NCOA5: variants seen among roughly 807,000 people sequenced by gnomAD.
NCOA5 encodes the protein NCoA-5.
NCOA5 carries 12 observed loss-of-function variants against 59.0 expected under a neutral mutation model. That is an observed-to-expected ratio of 0.20 (90% CI 0.13 to 0.33). NCOA5 has a LOEUF of 0.33. Ranked by LOEUF, NCOA5 falls within the 10% of genes least tolerant of loss-of-function variation. The pLI, the probability that NCOA5 is intolerant of heterozygous loss-of-function variation, is 1.00. For missense variants in NCOA5, 655 were observed against 766.6 expected, an observed-to-expected ratio of 0.85 and a Z score of 1.72; for synonymous variants, 270 against 275.5, an observed-to-expected ratio of 0.98 and a Z score of 0.20.
At chr20:46,070,910 G>C (rs1389666715) in intron 2 of NCOA5, among the ~76,000 whole-genome samples, 1 of 152,086 alleles carries the variant, frequency 6.6e-6, no homozygotes, top group African/African-American at 2.4e-5. Flanking sequence ...AAAAAAGAGC[G>C]AATGGCACAA....
chr20:46,085,988 T>C (rs1267089793), intron 1 of NCOA5, among the ~76,000 whole-genome samples: 1 of 152,174 alleles, frequency 6.6e-6, no homozygotes, highest in Non-Finnish European at 1.5e-5. Context: ...GTCATGATTT[T>C]ACTTTCAATA....
intron 2 of NCOA5, among the ~76,000 whole-genome samples, chr20:46,079,055 C>A (rs1197548432): frequency 1.3e-5 from 2 of 152,142 alleles, no homozygotes; most frequent in African/African-American, 4.8e-5. Flanking sequence ...ATGGCATACA[C>A]CAATGACTCT....
chr20:46,062,789 A>G lies in NCOA5; in HGVS notation c.1251T>C (p.Ala417=), dbSNP rs2084781094. 15 of 1,584,082 alleles carry G rather than the reference A, an allele frequency of 9.5e-6. No individual in the cohort carries two copies. Among genetic ancestry groups the G allele is most frequent in the Non-Finnish European group, 1.2e-5 (14 of 1,163,744 alleles). The part of the protein sequence containing the change: ...PLQSGQVLPS[A]TPTPSAPPTS... ...TGGGGGGTGCAGATGGAGTGGGTGTAGCAGAGGGGAGCACTTGGCCGCTCT... is the reference window on the plus strand; with the variant it reads ...TGGGGGGTGCAGATGGAGTGGGTGTGGCAGAGGGGAGCACTTGGCCGCTCT... The change falls in exon 8 of 8, where the codon GCT becomes GCC. Residue 417 remains alanine, a synonymous_variant. Transcript: ENST00000290231.
In NCOA5 at chr20:46,067,157, C is replaced by T. The variant is rs775417601; in HGVS notation, c.527G>A (p.Arg176His). ...ATATTGACGATAAAGCTCTTCTCTACGCCGTTCCTCACGTTTCAAACGCTC... is the reference window on the plus strand; with the variant it reads ...ATATTGACGATAAAGCTCTTCTCTATGCCGTTCCTCACGTTTCAAACGCTC... The part of the protein sequence containing the change: ...AKERLKREER[R>H]REELYRQYFE... Residue 176 changes from arginine to histidine, a missense_variant, in exon 5 of 8, where the codon CGT (arginine) becomes CAT (histidine). Coordinates refer to ENST00000290231, the MANE Select transcript of NCOA5 (RefSeq NM_020967.3). The T allele has an allele frequency of 2.2e-5, 35 of 1,613,842 alleles. No homozygotes were observed. The highest frequency in any genetic ancestry group is 2.2e-5 in the South Asian group (2 of 91,032).
intron 1 of NCOA5, among the ~76,000 whole-genome samples, chr20:46,087,528 C>T (rs1019178643): frequency 3.9e-5 from 6 of 152,150 alleles, no homozygotes; most frequent in Non-Finnish European, 7.4e-5. Context: ...GAGGCAGAGG[C>T]GGGCAGATCA....
Position 46,089,906 on chromosome 20 carries a change from A to C in NCOA5, c.-119T>G, listed in dbSNP as rs1038024738. ...TCGGCCCACCTGCCCGCCGTAGGAC[A>C]AAGGCGCCACCAACCGACCGGCGCG... On this transcript the variant is annotated 5_prime_UTR_variant, in exon 1 of 8. Coordinates refer to ENST00000290231, the MANE Select transcript of NCOA5 (RefSeq NM_020967.3). The C allele has an allele frequency of 2.6e-5, 4 of 152,118 alleles. No individual in the cohort carries two copies. The highest frequency in any genetic ancestry group is 4.8e-5 in the African/African-American group (2 of 41,454). The allele number at this position is 152,118 out of a possible 1,614,324, so 9.4% of individuals were successfully genotyped here.
intron 5 of NCOA5, among the ~76,000 whole-genome samples, chr20:46,065,502 C>G (rs1349237982): frequency 6.6e-6 from 1 of 152,174 alleles, no homozygotes; most frequent in African/African-American, 2.4e-5. Flanking sequence ...TTAAGACCAT[C>G]CTGCTCCCTA....
At chr20:46,078,047 C>T (rs994064289) in intron 2 of NCOA5, among the ~76,000 whole-genome samples, 3 of 152,238 alleles carry the variant, frequency 2.0e-5, no homozygotes, top group African/African-American at 7.2e-5. Context: ...ATGCCCACTT[C>T]CGCAGTGAAA....
At chr20:46,070,052 T>C (rs16991048) in intron 3 of NCOA5, among the ~76,000 whole-genome samples, 158 bp downstream of exon 3, 3,902 of 152,306 alleles carry the variant, frequency 0.026, 168 homozygotes, top group African/African-American at 0.089. Flanking sequence ...ATTCATACAT[T>C]CAGCAAAATT....
Position 46,062,905 on chromosome 20 carries a change from G to T in NCOA5, c.1151-16C>A. 1 of 1,511,828 alleles carries T rather than the reference G, an allele frequency of 6.6e-7. No individual in the cohort carries two copies. The highest frequency in any genetic ancestry group is 8.8e-7 in the Non-Finnish European group (1 of 1,134,652). 93.7% of individuals were successfully genotyped at this position (1,511,828 alleles called of 1,614,324 possible). ...GAAATCGGGCCTGGAAGACAGAAGAGGGAGGTATCTGGTTCAAAGTACCCC... is the reference window on the plus strand; with the variant it reads ...GAAATCGGGCCTGGAAGACAGAAGATGGAGGTATCTGGTTCAAAGTACCCC... On this transcript the variant is annotated splice_polypyrimidine_tract_variant and intron_variant, in intron 7 of 7. Transcript: ENST00000290231.
At chr20:46,083,387 T>C (rs1363578090) in intron 1 of NCOA5, among the ~76,000 whole-genome samples, 1 of 152,232 alleles carries the variant, frequency 6.6e-6, no homozygotes, top group East Asian at 1.9e-4. Context: ...TTGCTCCTTG[T>C]CTCTGCTTTC....
intron 4 of NCOA5, 28 bp downstream of exon 4, chr20:46,068,474 T>C: frequency 2.5e-6 from 4 of 1,589,338 alleles, no homozygotes; most frequent in South Asian, 1.2e-5. Flanking sequence ...CTATCAATAA[T>C]AGGAATAGAC....
rs1229267796 is a variant in NCOA5, at chr20:46,079,554, A to C, written c.-29-101T>G. On this transcript the variant is annotated intron_variant, in intron 1 of 7. Coordinates refer to ENST00000290231, the MANE Select transcript of NCOA5 (RefSeq NM_020967.3). ...CAACAACAACAAAAACTACAATGAC[A>C]ACCAGATGGTGTAAGAAAAGCCATT... The C allele has an allele frequency of 3.1e-6, 3 of 961,104 alleles. No individual in the cohort carries two copies. The East Asian group carries it at 7.9e-5, about 25-fold the overall frequency. The allele number at this position is 961,104 out of a possible 1,614,324, so 59.5% of individuals were successfully genotyped here.
At chr20:46,065,319 C>G (rs2084811763) in intron 5 of NCOA5, 91 bp from the exon 6 acceptor site, 1 of 1,232,230 alleles carries the variant, frequency 8.1e-7, no homozygotes, top group Non-Finnish European at 1.2e-6. Flanking sequence ...ACTGATAACT[C>G]AAACCTTAGT....
chr20:46,088,709 A>C (rs1278700179), intron 1 of NCOA5, among the ~76,000 whole-genome samples: 1 of 152,224 alleles, frequency 6.6e-6, no homozygotes, highest in East Asian at 1.9e-4. Flanking sequence ...GTTTACAAGA[A>C]AGCTGTTACA....
chr20:46,084,023 T>A (rs2085020685), intron 1 of NCOA5, among the ~76,000 whole-genome samples: 1 of 152,224 alleles, frequency 6.6e-6, no homozygotes, highest in Non-Finnish European at 1.5e-5. Flanking sequence ...TATTACATCT[T>A]TAACTGTATT....
At chr20:46,063,748 G>T in intron 6 of NCOA5, 68 bp from the exon 7 acceptor site, 1 of 1,463,442 alleles carries the variant, frequency 6.8e-7, no homozygotes, top group Non-Finnish European at 9.3e-7. Flanking sequence ...GCTGCACTCT[G>T]TCAAGTCTTT....
intron 2 of NCOA5, among the ~76,000 whole-genome samples, chr20:46,076,017 C>T (rs2084934268): frequency 6.6e-6 from 1 of 152,166 alleles, no homozygotes; most frequent in Non-Finnish European, 1.5e-5. Flanking sequence ...TTTACTGAAA[C>T]ATCTGAAGAG....
At chr20:46,072,175 G>A (rs771841086) in intron 2 of NCOA5, among the ~76,000 whole-genome samples, 8 of 152,060 alleles carry the variant, frequency 5.3e-5, no homozygotes, top group East Asian at 1.9e-4. Context: ...GAAGGCCAGC[G>A]CATAATCATC....
Sources: allele counts gnomAD v4.1 joint callset (sites outside exome capture counted in the v4.1 genomes callset), GRCh38; gene constraint gnomAD v4.1.1; transcripts MANE v1.5; gene names NCBI Gene and HGNC (gene_info 2026-07-23, HGNC 2026-07-21).